UGT1A4: variants seen among roughly 807,000 people sequenced by gnomAD.
The protein encoded by UGT1A4 is UDP-glucuronosyltransferase 1A4.
Under a neutral mutation model 41.1 loss-of-function variants are expected in UGT1A4, and 32 were observed. That is an observed-to-expected ratio of 0.78 (90% confidence interval 0.59 to 1.05). The LOEUF (loss-of-function observed/expected upper bound fraction) is 1.05, where lower values mean the gene tolerates loss of function less well. Ranked by LOEUF, UGT1A4 falls within the 50% of genes least tolerant of loss-of-function variation. The pLI is 0.00. For missense variants in UGT1A4, 748 were observed against 677.4 expected, an observed-to-expected ratio of 1.10 and a Z score of -1.16; for synonymous variants, 283 against 265.1, an observed-to-expected ratio of 1.07 and a Z score of -0.66.
At chr2:233,760,105 A>G in intron 1 of UGT1A4, 1 of 1,175,844 alleles carries the variant, frequency 8.5e-7, no homozygotes, top group Non-Finnish European at 1.2e-6. Context: ...TTGCCTATTA[A>G]GAAACCTAAT....
chr2:233,744,073 C>G, intron 1 of UGT1A4: 1 of 475,704 alleles, frequency 2.1e-6, no homozygotes, highest in Non-Finnish European at 3.5e-6. Context: ...ATGAGCGCCT[C>G]GCATCCCAAG....
intron 1 of UGT1A4, among the ~76,000 whole-genome samples, chr2:233,763,677 A>G (rs934617457): frequency 6.6e-6 from 1 of 152,232 alleles, no homozygotes; most frequent in Non-Finnish European, 1.5e-5. Flanking sequence ...AACTTTAAGA[A>G]TAAAGATAAA....
chr2:233,749,394 A>T (rs1364997409), intron 1 of UGT1A4, among the ~76,000 whole-genome samples: 1 of 151,918 alleles, frequency 6.6e-6, no homozygotes, highest in African/African-American at 2.4e-5. Flanking sequence ...CAATGTGAAC[A>T]TATTCTCTAG....
At chr2:233,753,742 T>C (rs1695292071) in intron 1 of UGT1A4, 1 of 152,200 alleles carries the variant, frequency 6.6e-6, no homozygotes, top group African/African-American at 2.4e-5. Context: ...AGCACAGCAA[T>C]AGGACAGTTT....
In UGT1A4 at chr2:233,743,838, C is replaced by A. The variant is rs749381543; in HGVS notation, c.868-23196C>A. 7.3e-6 allele frequency: 10 copies of A among 1,367,292 alleles called. No individual in the cohort carries two copies. In the South Asian group the frequency reaches 1.1e-4, roughly 16 times the overall value. 84.7% of individuals were successfully genotyped at this position (1,367,292 alleles called of 1,614,324 possible). On this transcript the variant is annotated intron_variant, in intron 1 of 4. Coordinates refer to ENST00000373409, the MANE Select transcript of UGT1A4 (RefSeq NM_007120.3). The stretch of plus-strand genomic sequence containing the variant: ...TTTTTGTCGGGGTGCCACTTGAGCG[C>A]CAGCTTGCGGTACGCCTTCTTGATG...
rs1222829087 is a variant in UGT1A4, at chr2:233,767,177, C to G, written c.999+12C>G. 1 of 1,614,030 alleles carries G rather than the reference C, an allele frequency of 6.2e-7. No individual in the cohort carries two copies. Among genetic ancestry groups the G allele is most frequent in the South Asian group, 1.1e-5 (1 of 91,054 alleles). ...AAATCCCTCAGACAGTAAGAAGATT[C>G]TATACCATGGCCTCATATCTATTTT... On this transcript the variant is annotated intron_variant, in intron 2 of 4. Coordinates refer to ENST00000373409, the MANE Select transcript of UGT1A4 (RefSeq NM_007120.3).
Position 233,772,442 on chromosome 2 carries a change from C to T in UGT1A4, c.1488C>T (p.Leu496=), listed in dbSNP as rs1249728637. The T allele has an allele frequency of 1.2e-6, 2 of 1,614,208 alleles. No individual in the cohort carries two copies. Among genetic ancestry groups the T allele is most frequent in the Admixed American group, 3.3e-5 (2 of 60,020 alleles). ...ATTCCTTGGACGTGATTGGTTTCCTCTTGGCCGTCGTGCTGACAGTGGCCT... is the reference window on the plus strand; with the variant it reads ...ATTCCTTGGACGTGATTGGTTTCCTTTTGGCCGTCGTGCTGACAGTGGCCT... ...QYHSLDVIGF[L]LAVVLTVAFI... Residue 496 remains leucine, a synonymous_variant, in exon 5 of 5, where the codon CTC becomes CTT. Coordinates refer to ENST00000373409, the MANE Select transcript of UGT1A4 (RefSeq NM_007120.3).
chr2:233,745,312 T>A (rs1693068284), intron 1 of UGT1A4, among the ~76,000 whole-genome samples: 1 of 151,876 alleles, frequency 6.6e-6, no homozygotes, highest in South Asian at 2.1e-4. Flanking sequence ...AGTGATTATT[T>A]CCACTAGAAC....
chr2:233,764,840 A>T (rs903559567), intron 1 of UGT1A4, among the ~76,000 whole-genome samples: 2 of 151,474 alleles, frequency 1.3e-5, no homozygotes, highest in African/African-American at 4.9e-5. Flanking sequence ...GGGGAGGATG[A>T]CTCTGTCCTC....
At chr2:233,734,411 C>T (rs1003514733) in intron 1 of UGT1A4, among the ~76,000 whole-genome samples, 1 of 152,010 alleles carries the variant, frequency 6.6e-6, no homozygotes, top group Admixed American at 6.6e-5. Context: ...TGATTCTTCT[C>T]TCTTTTCTTC....
At chr2:233,743,547 C>T (rs201114978) in intron 1 of UGT1A4, 3 of 1,367,292 alleles carry the variant, frequency 2.2e-6, no homozygotes, top group Non-Finnish European at 9.8e-7. Context: ...TCTGACCCCC[C>T]CAAAATATTC....
Position 233,719,447 on chromosome 2 carries a change from A to G in UGT1A4, c.627A>G (p.Gln209=), listed in dbSNP as rs2076767544. The change falls in exon 1 of 5, where the codon CAA becomes CAG. Residue 209 remains glutamine, a synonymous_variant. Coordinates refer to ENST00000373409, the MANE Select transcript of UGT1A4 (RefSeq NM_007120.3). ...TTNSDHMTFL[Q]RVKNMLYPLA... is the part of the protein sequence containing the mutation. ...ATTCAGACCACATGACATTCCTGCAAAGGGTCAAGAACATGCTCTACCCTC... is the reference window on the plus strand; with the variant it reads ...ATTCAGACCACATGACATTCCTGCAGAGGGTCAAGAACATGCTCTACCCTC... The G allele has an allele frequency of 1.2e-6, 2 of 1,613,934 alleles. No individual in the cohort carries two copies. Among genetic ancestry groups the G allele is most frequent in the South Asian group, 1.1e-5 (1 of 91,058 alleles).
intron 3 of UGT1A4, 134 bp from the exon 4 acceptor site, chr2:233,768,086 A>T: frequency 1.3e-6 from 2 of 1,591,428 alleles, no homozygotes; most frequent in Non-Finnish European, 8.6e-7. Flanking sequence ...ATCTCAACCC[A>T]CATTTTCTTC....
At chr2:233,747,347 G>A (rs1693638720) in intron 1 of UGT1A4, 5 of 1,603,376 alleles carry the variant, frequency 3.1e-6, no homozygotes, top group Non-Finnish European at 4.3e-6. Context: ...CTCGCATGCG[G>A]GAGGCCGTGC....
rs773318792 is a variant in UGT1A4 at position 233,769,599 on chromosome 2, C to T, written c.1307+1160C>T. 17 of 1,612,664 alleles carry T rather than the reference C, an allele frequency of 1.1e-5. No individual in the cohort carries two copies. Among genetic ancestry groups the T allele is most frequent in the South Asian group, 2.2e-5 (2 of 91,048 alleles). ...TGTTCAGATGAGAGGAGACGGAACACGGGGACACACCAGCTTGAGCAAGGG... is the reference window on the plus strand; with the variant it reads ...TGTTCAGATGAGAGGAGACGGAACATGGGGACACACCAGCTTGAGCAAGGG... On this transcript the variant is annotated intron_variant, in intron 4 of 4. Coordinates refer to ENST00000373409, the MANE Select transcript of UGT1A4 (RefSeq NM_007120.3). The surrounding 1 kb of genome is among the most constrained non-coding windows in gnomAD (Gnocchi z 4.4).
chr2:233,728,472 C>A (rs778651891), intron 1 of UGT1A4, among the ~76,000 whole-genome samples: 1 of 152,182 alleles, frequency 6.6e-6, no homozygotes, highest in African/African-American at 2.4e-5. Context: ...TCCCAAGAAT[C>A]TGATCATCAC....
intron 1 of UGT1A4, chr2:233,729,538 A>G: frequency 6.2e-7 from 1 of 1,614,196 alleles, no homozygotes; most frequent in Non-Finnish European, 8.5e-7. Context: ...TGAGGCCCTG[A>G]TCAGGCACCT....
At chr2:233,731,132 C>G (rs1241024479) in intron 1 of UGT1A4, among the ~76,000 whole-genome samples, 5 of 152,006 alleles carry the variant, frequency 3.3e-5, no homozygotes, top group African/African-American at 7.3e-5. Context: ...GCAAAAGACT[C>G]TAAGCTTCAT....
intron 1 of UGT1A4, among the ~76,000 whole-genome samples, chr2:233,764,487 A>G (rs115581914): frequency 4.6e-5 from 7 of 152,316 alleles, no homozygotes; most frequent in African/African-American, 1.4e-4. Context: ...TCGAATGTTT[A>G]TGGACCTGTG....
Sources: allele counts gnomAD v4.1 joint callset (sites outside exome capture counted in the v4.1 genomes callset), GRCh38; gene constraint gnomAD v4.1.1; non-coding constraint Gnocchi (gnomAD v3.1); transcripts MANE v1.5; gene names NCBI Gene and HGNC (gene_info 2026-07-23, HGNC 2026-07-21).